The following CSMD3 variants were observed in gnomAD, a reference collection of about 807,000 sequenced individuals.
CSMD3 encodes the protein CUB and Sushi multiple domains 3, also known as CUB and sushi domain-containing protein 3.
In CSMD3, 177 loss-of-function variants were observed where a neutral mutation model predicts 435.2. That is an observed-to-expected ratio of 0.41 (90% CI 0.36 to 0.46). CSMD3 has a LOEUF of 0.46. Among genes scored for constraint, CSMD3 ranks in the 20% least tolerant of loss-of-function variants. The pLI is 0.34. For synonymous variants in CSMD3, 1,656 were observed against 1,520.5 expected (o/e 1.09, Z -2.07); for missense variants, 4,265 against 4,504.6 (o/e 0.95, Z 1.52).
chr8:112,536,275 T>G (rs1826071342), intron 27 of CSMD3, among the ~76,000 whole-genome samples: 1 of 152,030 alleles, frequency 6.6e-6, no homozygotes, highest in East Asian at 1.9e-4. Flanking sequence ...CCTACTCATC[T>G]GACAAAGGGC....
intron 1 of CSMD3, among the ~76,000 whole-genome samples, chr8:113,411,018 A>G (rs1030303328): frequency 6.6e-6 from 1 of 151,792 alleles, no homozygotes; most frequent in Non-Finnish European, 1.5e-5. Context: ...AGAAAGAAAA[A>G]TAAAGAAAGA....
intron 5 of CSMD3, among the ~76,000 whole-genome samples, chr8:113,068,122 A>T (rs2088943043): frequency 6.6e-6 from 1 of 152,204 alleles, no homozygotes; most frequent in South Asian, 2.1e-4. Flanking sequence ...AGTTCTGTAT[A>T]AAATACCAAC....
intron 12 of CSMD3, among the ~76,000 whole-genome samples, chr8:112,820,328 G>A (rs1236316060): frequency 6.6e-6 from 1 of 152,110 alleles, no homozygotes; most frequent in Non-Finnish European, 1.5e-5. Flanking sequence ...AGTGTCATTT[G>A]ATTAAGAAAG....
chr8:113,300,218 T>C (rs1212600186), intron 2 of CSMD3, among the ~76,000 whole-genome samples: 1 of 148,024 alleles, frequency 6.8e-6, no homozygotes, highest in African/African-American at 2.5e-5. Context: ...AGGGAACACA[T>C]ATATTTTTCA....
intron 9 of CSMD3, among the ~76,000 whole-genome samples, chr8:112,923,587 C>T (rs1249675271): frequency 6.6e-6 from 1 of 152,064 alleles, no homozygotes. Context: ...GATATTTTAT[C>T]CATAAGGCCC....
At chr8:113,137,898 A>G (rs2091455122) in intron 4 of CSMD3, among the ~76,000 whole-genome samples, 2 of 151,628 alleles carry the variant, frequency 1.3e-5, no homozygotes, top group African/African-American at 2.4e-5. Flanking sequence ...TCCAAACCCT[A>G]TAGAATGACA....
intron 1 of CSMD3, among the ~76,000 whole-genome samples, chr8:113,399,443 T>C (rs2133195115): frequency 6.6e-6 from 1 of 151,980 alleles, no homozygotes; most frequent in East Asian, 1.9e-4. Flanking sequence ...GACAAATGTC[T>C]AAATAAATGT....
Position 112,829,694 on chromosome 8 carries a change from C to T in CSMD3, c.1851G>A (p.Val617=), listed in dbSNP as rs772093635. The change falls in exon 12 of 71, where the codon GTG becomes GTA. Residue 617 remains valine, a synonymous_variant. Coordinates refer to ENST00000297405, the MANE Select transcript of CSMD3 (RefSeq NM_198123.2). ...AAACATTGGGAACTTACACTTGGAGCACTGTCCTAGGATCTCCAACTTCGC... is the reference window on the plus strand; with the variant it reads ...AAACATTGGGAACTTACACTTGGAGTACTGTCCTAGGATCTCCAACTTCGC... ...DGGEVGDPRT[V]LQVLTGSFVP... 6.3e-7 allele frequency: 1 copy of T among 1,595,844 alleles called. No individual in the cohort carries two copies. Among genetic ancestry groups the T allele is most frequent in the Admixed American group, 1.7e-5 (1 of 59,972 alleles).
rs117636741 is a variant in CSMD3, at chr8:113,294,624, T to C, written c.402-15920A>G. On this transcript the variant is annotated intron_variant, in intron 2 of 70. Transcript: ENST00000297405. ...AAAATTAATCTATGGATCTGATAATTAGAAAATCACCTTGTTCTGAGTAGC... is the reference window on the plus strand; with the variant it reads ...AAAATTAATCTATGGATCTGATAATCAGAAAATCACCTTGTTCTGAGTAGC... 2.6e-5 allele frequency among the ~76,000 whole-genome samples: 4 copies of C among 152,240 alleles called. No individual in the cohort carries two copies. The East Asian group carries it at 5.8e-4, about 22-fold the overall frequency.
intron 7 of CSMD3, among the ~76,000 whole-genome samples, chr8:112,966,861 T>C (rs867757549): frequency 6.6e-6 from 1 of 151,938 alleles, no homozygotes; most frequent in Admixed American, 6.6e-5. Context: ...GTCACTCGTA[T>C]GGAATAAAGT....
At chr8:112,943,902 C>A (rs1457026747) in intron 9 of CSMD3, among the ~76,000 whole-genome samples, 1 of 151,572 alleles carries the variant, frequency 6.6e-6, no homozygotes, top group African/African-American at 2.4e-5. Flanking sequence ...AATCTGTATG[C>A]CTGAAAGAAT....
rs2092667135 is a variant in CSMD3, at chr8:113,197,211, G to A, written c.515-23295C>T. On this transcript the variant is annotated intron_variant, in intron 3 of 70. Transcript: ENST00000297405. ...AGATGCTACAAGTGGGACATTCTAT[G>A]TCTGACTTCATGTGATATGTCACAG... Among the ~76,000 whole-genome samples, 6 of 151,118 alleles carry A rather than the reference G, an allele frequency of 4.0e-5. No homozygotes were observed. In the Admixed American group the frequency reaches 4.0e-4, roughly 10 times the overall value.
chr8:112,986,519 C>T (rs898364379), intron 6 of CSMD3, among the ~76,000 whole-genome samples: 28 of 152,060 alleles, frequency 1.8e-4, no homozygotes, highest in African/African-American at 6.8e-4. Flanking sequence ...ATATAGTGTT[C>T]TAAGTTATTT....
intron 3 of CSMD3, among the ~76,000 whole-genome samples, chr8:113,252,840 T>C (rs2132308268): frequency 6.6e-6 from 1 of 152,268 alleles, no homozygotes; most frequent in African/African-American, 2.4e-5. Context: ...CATTTGACAC[T>C]AGATCTCTAG....
At chr8:112,870,108 C>A (rs1419674807) in intron 10 of CSMD3, among the ~76,000 whole-genome samples, 1 of 151,792 alleles carries the variant, frequency 6.6e-6, no homozygotes, top group Non-Finnish European at 1.5e-5. Flanking sequence ...TATTTATAAA[C>A]CTTTATTTTA....
intron 9 of CSMD3, among the ~76,000 whole-genome samples, chr8:112,926,055 A>C (rs2082900395): frequency 6.6e-6 from 1 of 152,206 alleles, no homozygotes; most frequent in Non-Finnish European, 1.5e-5. Flanking sequence ...CATATTCTAG[A>C]CCAAAAATAT....
intron 40 of CSMD3, 141 bp downstream of exon 40, chr8:112,351,034 T>C (rs1229587821): frequency 6.3e-6 from 3 of 479,044 alleles, no homozygotes; most frequent in African/African-American, 2.0e-5. Flanking sequence ...CCATAAGATC[T>C]GGTAAAAGGC....
chr8:113,363,293 T>TACAC (rs78166302), intron 1 of CSMD3, among the ~76,000 whole-genome samples: 97,059 of 152,070 alleles, frequency 0.64, 32,519 homozygotes, highest in Admixed American at 0.75. Context: ...CACGCGTGTT[T>TACAC]GTATATTTCA....
At chr8:113,086,180 C>T (rs187033930) in intron 5 of CSMD3, among the ~76,000 whole-genome samples, 2,429 of 150,322 alleles carry the variant, frequency 0.016, 24 homozygotes, top group Admixed American at 0.022. Flanking sequence ...ACCTGGGAGG[C>T]GGAGCTTGAA....
Sources: allele counts gnomAD v4.1 joint callset (sites outside exome capture counted in the v4.1 genomes callset), GRCh38; gene constraint gnomAD v4.1.1; transcripts MANE v1.5; gene names NCBI Gene and HGNC (gene_info 2026-07-23, HGNC 2026-07-21).